RNGTT: variants seen among roughly 807,000 people sequenced by gnomAD.
RNGTT encodes the protein RNA guanylyltransferase and 5'-phosphatase.
RNGTT carries 33 observed loss-of-function variants against 79.3 expected under a neutral mutation model. The observed-to-expected ratio is 0.42, with a 90% CI of 0.32 to 0.56. The LOEUF is 0.56. Ranked by LOEUF, RNGTT falls within the 20% of genes least tolerant of loss-of-function variation. The probability of loss-of-function intolerance (pLI) is 0.17; values close to 1 mark genes in which losing one functional copy is unlikely to be tolerated. For missense variants in RNGTT, 497 were observed against 739.1 expected (o/e 0.67, Z 3.80); for synonymous variants, 222 against 235.9 (o/e 0.94, Z 0.54).
At chr6:88,751,112 A>C (rs1450127084) in intron 13 of RNGTT, among the ~76,000 whole-genome samples, 1 of 152,188 alleles carries the variant, frequency 6.6e-6, no homozygotes, top group Non-Finnish European at 1.5e-5. Flanking sequence ...GAACAATGAA[A>C]GTTTAAAAGT....
chr6:88,782,386 C>A (rs533369208), intron 12 of RNGTT, among the ~76,000 whole-genome samples: 71 of 151,926 alleles, frequency 4.7e-4, no homozygotes, highest in Non-Finnish European at 8.1e-4. Flanking sequence ...AGGTGCACAC[C>A]ATACACAAAA....
At chr6:88,674,048 T>C (rs1280481717) in intron 14 of RNGTT, among the ~76,000 whole-genome samples, 1 of 152,200 alleles carries the variant, frequency 6.6e-6, no homozygotes, top group African/African-American at 2.4e-5. Context: ...ATTCCCCTCA[T>C]GTTACAGGGA....
At chr6:88,835,561 T>A (rs1028353658) in intron 11 of RNGTT, among the ~76,000 whole-genome samples, 4 of 152,186 alleles carry the variant, frequency 2.6e-5, no homozygotes, top group African/African-American at 9.7e-5. Context: ...TTTAGAGTGG[T>A]CTTTCCCATC....
At chr6:88,777,799 T>A (rs1386917292) in intron 12 of RNGTT, among the ~76,000 whole-genome samples, 1 of 152,220 alleles carries the variant, frequency 6.6e-6, no homozygotes, top group East Asian at 1.9e-4. Flanking sequence ...TTTTCTTGTC[T>A]GATTGCTCTT....
At chr6:88,920,790 G>C (rs1784139713) in intron 4 of RNGTT, among the ~76,000 whole-genome samples, 1 of 152,154 alleles carries the variant, frequency 6.6e-6, no homozygotes, top group Admixed American at 6.5e-5. Context: ...GTTATAAATT[G>C]TGCAGTTGTA....
At chr6:88,621,685 G>A (rs188490002) in intron 14 of RNGTT, among the ~76,000 whole-genome samples, 6 of 151,872 alleles carry the variant, frequency 4.0e-5, no homozygotes, top group African/African-American at 1.4e-4. Context: ...AAAAGTATGC[G>A]AGGCCATTAG....
At position 88,687,528 on chromosome 6, in the gene RNGTT, G is replaced by A. The variant is rs183924200; in HGVS notation, c.1440-9109C>T. Among the ~76,000 whole-genome samples, 18 of 152,230 alleles carry A rather than the reference G, an allele frequency of 1.2e-4. No homozygotes were observed. In the East Asian group the frequency reaches 2.7e-3, roughly 23 times the overall value. On this transcript the variant is annotated intron_variant, in intron 13 of 15. Coordinates refer to ENST00000369485, the MANE Select transcript of RNGTT (RefSeq NM_003800.5). The stretch of plus-strand genomic sequence containing the variant: ...GCAAAATGTTAAGGACAACCCAAAC[G>A]CTCAGACATGGCAGAGTGGTTAAAT...
chr6:88,804,019 T>C (rs1397883849), intron 11 of RNGTT, among the ~76,000 whole-genome samples: 2 of 152,212 alleles, frequency 1.3e-5, no homozygotes, highest in African/African-American at 4.8e-5. Context: ...CACATAATAT[T>C]TATGATATCA....
rs184855298 is a variant in RNGTT, at chr6:88,873,887, A to C, written c.896+16608T>G. ...GATAGGTTTAGTAAGATATAGACATACTCATTGATCTTGACCTAATTAAGA... is the reference window on the plus strand; with the variant it reads ...GATAGGTTTAGTAAGATATAGACATCCTCATTGATCTTGACCTAATTAAGA... On this transcript the variant is annotated intron_variant, in intron 8 of 15. Transcript: ENST00000369485. 5.6e-3 allele frequency among the ~76,000 whole-genome samples: 858 copies of C among 152,276 alleles called. 8 individuals carry two copies. Among genetic ancestry groups the C allele is most frequent in the Non-Finnish European group, 9.1e-3 (621 of 67,978 alleles).
At chr6:88,686,012 A>G (rs1027190085) in intron 13 of RNGTT, among the ~76,000 whole-genome samples, 4 of 151,382 alleles carry the variant, frequency 2.6e-5, no homozygotes, top group Admixed American at 1.3e-4. Flanking sequence ...TCATAAACAT[A>G]ATATATATAC....
intron 14 of RNGTT, among the ~76,000 whole-genome samples, chr6:88,662,565 G>A (rs1774228038): frequency 6.6e-6 from 1 of 152,322 alleles, no homozygotes; most frequent in South Asian, 2.1e-4. Flanking sequence ...GTGTCCGAGA[G>A]GTTTTGTCTG....
At chr6:88,872,389 G>C (rs1329573726) in intron 8 of RNGTT, among the ~76,000 whole-genome samples, 1 of 151,982 alleles carries the variant, frequency 6.6e-6, no homozygotes, top group Non-Finnish European at 1.5e-5. Context: ...CAATCTGATA[G>C]ACGACATTGA....
intron 11 of RNGTT, among the ~76,000 whole-genome samples, chr6:88,823,819 C>T (rs1398589234): frequency 6.6e-6 from 1 of 152,010 alleles, no homozygotes; most frequent in East Asian, 1.9e-4. Flanking sequence ...AAAGATCAGG[C>T]TAACAAAAGA....
intron 14 of RNGTT, among the ~76,000 whole-genome samples, chr6:88,642,104 T>A (rs1773344539): frequency 6.6e-6 from 1 of 152,012 alleles, no homozygotes; most frequent in Non-Finnish European, 1.5e-5. Flanking sequence ...TCCAGGAGGG[T>A]GTAGAGATAC....
intron 11 of RNGTT, among the ~76,000 whole-genome samples, 190 bp from the exon 12 acceptor site, chr6:88,801,822 G>GACACACACACAC (rs56124919): frequency 1.2e-4 from 15 of 123,174 alleles, no homozygotes; most frequent in African/African-American, 3.3e-4. Flanking sequence ...CACACACACA[G>GACACACACACAC]ACACACACAC....
intron 13 of RNGTT, among the ~76,000 whole-genome samples, chr6:88,760,546 T>C (rs570995387): frequency 1.3e-5 from 2 of 152,308 alleles, no homozygotes; most frequent in Admixed American, 1.3e-4. Flanking sequence ...AGCTATATTA[T>C]ACATAAAAAA....
intron 13 of RNGTT, among the ~76,000 whole-genome samples, chr6:88,740,153 A>G (rs544857112): frequency 9.9e-5 from 15 of 152,246 alleles, no homozygotes; most frequent in Admixed American, 5.2e-4. Flanking sequence ...AATACTCAGG[A>G]GAAAGCAAGA....
chr6:88,904,385 T>G (rs1394640060), intron 6 of RNGTT, among the ~76,000 whole-genome samples: 1 of 151,934 alleles, frequency 6.6e-6, no homozygotes, highest in Non-Finnish European at 1.5e-5. Context: ...TCCAGACTGG[T>G]CAACAAAGTG....
At chr6:88,931,571 A>G (rs899646987) in intron 2 of RNGTT, among the ~76,000 whole-genome samples, 1 of 152,200 alleles carries the variant, frequency 6.6e-6, no homozygotes, top group Non-Finnish European at 1.5e-5. Context: ...TGTGATGCCT[A>G]AGAATCACAC....
Sources: gnomAD v4.1 joint callset for allele counts (sites outside exome capture counted in the v4.1 genomes callset) on GRCh38, gnomAD v4.1.1 for gene constraint, MANE v1.5 for transcripts, NCBI Gene and HGNC (gene_info 2026-07-23, HGNC 2026-07-21) for gene names.